The following POLR2B variants were observed in gnomAD, a reference collection of about 807,000 sequenced individuals.
POLR2B encodes the protein DNA-directed RNA polymerase II subunit RPB2.
POLR2B carries 57 observed loss-of-function variants against 144.6 expected under a neutral mutation model. The observed-to-expected ratio is 0.39, with a 90% CI of 0.32 to 0.49. POLR2B has a LOEUF of 0.49. Ranked by LOEUF, POLR2B falls within the 20% of genes least tolerant of loss-of-function variation. The pLI is 0.83. For missense variants in POLR2B, 595 were observed against 1,467.4 expected, an observed-to-expected ratio of 0.41 and a Z score of 9.71; for synonymous variants, 442 against 469.8, an observed-to-expected ratio of 0.94 and a Z score of 0.77.
chr4:57,008,572 C>G (rs1240560689), intron 10 of POLR2B, among the ~76,000 whole-genome samples: 2 of 152,174 alleles, frequency 1.3e-5, no homozygotes, highest in Non-Finnish European at 2.9e-5. Flanking sequence ...ATGCAGTGAT[C>G]CTGATCTTCA....
rs183110008 is a variant in POLR2B at position 56,993,756 on chromosome 4, A to C, written c.244-648A>C. Among the ~76,000 whole-genome samples, 153 of 152,314 alleles carry C rather than the reference A, an allele frequency of 1.0e-3. 1 individual carries two copies. Among genetic ancestry groups the C allele is most frequent in the African/African-American group, 3.6e-3 (151 of 41,570 alleles). On this transcript the variant is annotated intron_variant, in intron 3 of 24. Coordinates refer to ENST00000314595, the MANE Select transcript of POLR2B (RefSeq NM_000938.3). ...ATTTTGTGTGTTTTTTAAAATAAAA[A>C]AATCTTTTTCTTTTGTTAACTCTAC...
Position 56,999,652 on chromosome 4 carries a change from G to A in POLR2B, c.771G>A (p.Val257=), listed in dbSNP as rs754867740. The change falls in exon 7 of 25, where the codon GTG becomes GTA. Residue 257 remains valine, a synonymous_variant. Coordinates refer to ENST00000314595, the MANE Select transcript of POLR2B (RefSeq NM_000938.3). Reference sequence around the variant, plus strand: ...AGAGTGCTATTGGTCAGCGCATTGTGGCAACTCTACCATATATCAAGCAAG... The same window carrying A: ...AGAGTGCTATTGGTCAGCGCATTGTAGCAACTCTACCATATATCAAGCAAG... ...AKKSAIGQRI[V]ATLPYIKQEV... is the part of the protein sequence containing the mutation. The A allele has an allele frequency of 4.5e-5, 72 of 1,612,206 alleles. 1 individual carries two copies. The Admixed American group carries it at 1.2e-3, about 27-fold the overall frequency.
chr4:56,992,008 T>C (rs1341867853), intron 3 of POLR2B, among the ~76,000 whole-genome samples: 1 of 152,012 alleles, frequency 6.6e-6, no homozygotes, highest in African/African-American at 2.4e-5. Context: ...CAGATAACAA[T>C]ATAACATAGC....
chr4:56,979,520 T>G (rs1560468246), intron 1 of POLR2B, among the ~76,000 whole-genome samples: 1 of 152,136 alleles, frequency 6.6e-6, no homozygotes, highest in Non-Finnish European at 1.5e-5. Flanking sequence ...TAAATTGTCT[T>G]AAAGGATGAC....
At chr4:56,985,543 GGC>G in intron 1 of POLR2B, 1 of 817,568 alleles carries the variant, frequency 1.2e-6, no homozygotes, top group Non-Finnish European at 1.5e-6. Flanking sequence ...TGGGATTACA[GGC>G]ATGTGCCACC....
chr4:57,015,479 C>T (rs763693130), intron 13 of POLR2B, 23 bp from the exon 14 acceptor site: 4 of 1,281,816 alleles, frequency 3.1e-6, no homozygotes, highest in Non-Finnish European at 4.1e-6. Flanking sequence ...ATTTGTGGAA[C>T]TGTTTTTTCT....
In POLR2B at chr4:57,030,404, G is replaced by T. The variant is rs865892257; in HGVS notation, c.3435+5G>T. 1 of 1,591,678 alleles carries T rather than the reference G, an allele frequency of 6.3e-7. No individual in the cohort carries two copies. The highest frequency in any genetic ancestry group is 1.4e-5 in the African/African-American group (1 of 73,968). On this transcript the variant is annotated splice_donor_5th_base_variant and intron_variant, in intron 24 of 24. Coordinates refer to ENST00000314595, the MANE Select transcript of POLR2B (RefSeq NM_000938.3). ...GGCTGCCGCAATAAAACCCAGGTGT[G>T]TATAGACTTTACTGGCAGTTGATAT...
At chr4:56,997,396 A>G (rs751792150) in intron 6 of POLR2B, among the ~76,000 whole-genome samples, 4 of 151,986 alleles carry the variant, frequency 2.6e-5, no homozygotes, top group Non-Finnish European at 4.4e-5. Context: ...TAGTTAGATT[A>G]TAGGCATGCT....
chr4:56,994,618 T>G, intron 4 of POLR2B, 29 bp from the exon 5 acceptor site: 1 of 1,511,228 alleles, frequency 6.6e-7, no homozygotes, highest in Non-Finnish European at 9.2e-7. Flanking sequence ...ACCCTATTGC[T>G]TAACTGTGAT....
intron 2 of POLR2B, among the ~76,000 whole-genome samples, chr4:56,990,135 G>T (rs1288909980): frequency 6.6e-6 from 1 of 151,952 alleles, no homozygotes; most frequent in Non-Finnish European, 1.5e-5. Flanking sequence ...AGTTCTTATT[G>T]TTATCTTTGA....
At chr4:56,997,039 C>A (rs755862772) in intron 6 of POLR2B, among the ~76,000 whole-genome samples, 5 of 151,970 alleles carry the variant, frequency 3.3e-5, no homozygotes, top group Admixed American at 6.6e-5. Flanking sequence ...TTGCAGTGAG[C>A]CCAGATTGGC....
intron 11 of POLR2B, 80 bp downstream of exon 11, chr4:57,010,584 T>C: frequency 1.4e-6 from 2 of 1,447,794 alleles, no homozygotes; most frequent in Non-Finnish European, 9.4e-7. Flanking sequence ...GAAATAGATG[T>C]TTGAAAAATT....
At chr4:57,029,377 C>T (rs1723834789) in intron 23 of POLR2B, among the ~76,000 whole-genome samples, 1 of 152,090 alleles carries the variant, frequency 6.6e-6, no homozygotes, top group South Asian at 2.1e-4. Context: ...GGAATAAATG[C>T]TTGATTCTCT....
intron 3 of POLR2B, 38 bp downstream of exon 3, chr4:56,990,936 G>T (rs373998011): frequency 1.9e-6 from 3 of 1,546,278 alleles, no homozygotes; most frequent in Non-Finnish European, 2.6e-6. Context: ...TACAAGAAGC[G>T]TATTGGTTTG....
intron 3 of POLR2B, 52 bp downstream of exon 3, chr4:56,990,950 T>C: frequency 6.7e-7 from 1 of 1,490,142 alleles, no homozygotes; most frequent in Non-Finnish European, 9.0e-7. Flanking sequence ...TGGTTTGAAA[T>C]TTTAGCCCTT....
intron 3 of POLR2B, among the ~76,000 whole-genome samples, chr4:56,992,764 G>T (rs930363783): frequency 6.6e-6 from 1 of 151,070 alleles, no homozygotes; most frequent in African/African-American, 2.4e-5. Context: ...GGGTTTTGCC[G>T]TATTAGCCAG....
chr4:57,030,097 G>T, intron 23 of POLR2B, 107 bp from the exon 24 acceptor site: 1 of 866,438 alleles, frequency 1.2e-6, no homozygotes, highest in Non-Finnish European at 1.8e-6. Flanking sequence ...AAAAATTAGA[G>T]CCTAGTTATC....
intron 7 of POLR2B, among the ~76,000 whole-genome samples, chr4:57,002,482 AT>A (rs1047677372): frequency 6.6e-5 from 10 of 151,888 alleles, no homozygotes; most frequent in East Asian, 3.9e-4. Flanking sequence ...AAACTGCTTT[AT>A]TTTTTTTCTT....
intron 1 of POLR2B, among the ~76,000 whole-genome samples, chr4:56,983,318 C>T (rs1722213777): frequency 6.6e-6 from 1 of 150,616 alleles, no homozygotes; most frequent in Non-Finnish European, 1.5e-5. Flanking sequence ...TACCTTTGTC[C>T]CTTCCTTTTG....
Sources: gnomAD v4.1 joint callset for allele counts (sites outside exome capture counted in the v4.1 genomes callset) on GRCh38, gnomAD v4.1.1 for gene constraint, MANE v1.5 for transcripts, NCBI Gene and HGNC (gene_info 2026-07-23, HGNC 2026-07-21) for gene names.